MAST1: variants seen among roughly 807,000 people sequenced by gnomAD.
MAST1 encodes the protein microtubule associated serine/threonine kinase 1.
A neutral mutation model predicts 124.6 loss-of-function variants in MAST1; 40 were observed. The observed-to-expected ratio is 0.32, with a 90% confidence interval of 0.25 to 0.42. MAST1 has a LOEUF of 0.42. MAST1 is among the 10% of genes least tolerant of loss of function. The pLI is 1.00. For synonymous variants in MAST1, 938 were observed against 939.4 expected, an observed-to-expected ratio of 1.00 and a Z score of 0.03; for missense variants, 1,558 against 2,181.9, an observed-to-expected ratio of 0.71 and a Z score of 5.70.
chr19:12,854,754 G>A (rs955108150), intron 10 of MAST1, among the ~76,000 whole-genome samples: 2 of 152,176 alleles, frequency 1.3e-5, no homozygotes, highest in African/African-American at 4.8e-5. Context: ...TTAACTTATA[G>A]AGGAATCCTG....
chr19:12,858,925 GTTTA>G (rs779636043), intron 12 of MAST1, 186 bp downstream of exon 12: 30 of 628,922 alleles, frequency 4.8e-5, no homozygotes, highest in African/African-American at 7.3e-5. Flanking sequence ...TCATCTATTG[GTTTA>G]TTTGTTTTTC....
At position 12,843,720 on chromosome 19, in the gene MAST1, G is replaced by A; in HGVS notation, c.327+113G>A. The A allele has an allele frequency of 1.2e-6, 1 of 854,880 alleles. No individual in the cohort carries two copies. The highest frequency in any genetic ancestry group is 1.8e-6 in the Non-Finnish European group (1 of 548,958). The allele number at this position is 854,880 out of a possible 1,614,324, so 53.0% of individuals were successfully genotyped here. On this transcript the variant is annotated intron_variant, in intron 4 of 25. Transcript: ENST00000251472. This position sits in a 1 kb window ranked among gnomAD's most constrained non-coding sequence, Gnocchi z 4.9. Reference sequence around the variant, plus strand: ...AGGCTGGGCTTGATGACAGTTTAGGGCCAGGCTCAGTGACTCAAGCCTGTA... The same window carrying A: ...AGGCTGGGCTTGATGACAGTTTAGGACCAGGCTCAGTGACTCAAGCCTGTA...
rs779259485 is a variant in MAST1, at chr19:12,874,565, G to A, written c.4408G>A (p.Val1470Met). ...GGAACCCGCACCCCTGGCGCCTTCC[G>A]TGCCCGAGGCCCCCCGGGGCCGGGA... ...LQEPAPLAPS[V>M]PEAPRGRERW... Residue 1470 changes from valine to methionine, a missense_variant, in exon 26 of 26, where the codon GTG becomes ATG. Physicochemically the swap from Val to Met is conservative, Grantham distance 21. Coordinates refer to ENST00000251472, the MANE Select transcript of MAST1 (RefSeq NM_014975.3). The surrounding 1 kb of genome is among the most constrained non-coding windows in gnomAD (Gnocchi z 6.6). The A allele has an allele frequency of 3.3e-6, 5 of 1,507,672 alleles. No homozygotes were observed. In the South Asian group the frequency reaches 5.3e-5, roughly 16 times the overall value. 93.4% of individuals were successfully genotyped at this position (1,507,672 alleles called of 1,614,324 possible). A position where few individuals can be genotyped will look rare whatever the true frequency, so the allele number is the denominator to read the frequency against.
intron 7 of MAST1, among the ~76,000 whole-genome samples, chr19:12,849,223 G>A (rs1969932834): frequency 6.6e-6 from 1 of 152,054 alleles, no homozygotes; most frequent in Non-Finnish European, 1.5e-5. Flanking sequence ...TAAATGTTGG[G>A]TAAATTGATG....
At chr19:12,868,911 A>G (rs1970198206) in intron 21 of MAST1, 62 bp downstream of exon 21, 1 of 1,554,590 alleles carries the variant, frequency 6.4e-7, no homozygotes, top group African/African-American at 1.4e-5. Context: ...GGACAGACCA[A>G]TGAAAATGCT....
Position 12,851,865 on chromosome 19 carries a change from G to A in MAST1, c.775-69G>A, listed in dbSNP as rs538057440. On this transcript the variant is annotated intron_variant, in intron 7 of 25. Transcript: ENST00000251472. The stretch of plus-strand genomic sequence containing the variant: ...CAGTAGCAGCAGTATGTACTCTGAG[G>A]GGCTGAGAGAGGGGCCGGGCTGAGG... 1.4e-4 allele frequency: 163 copies of A among 1,172,612 alleles called. No homozygotes were observed. The Middle Eastern group carries it at 2.0e-3, about 14-fold the overall frequency. The allele number at this position is 1,172,612 out of a possible 1,614,324, so 72.6% of individuals were successfully genotyped here.
chr19:12,861,077 T>G (rs1457620566), intron 12 of MAST1, among the ~76,000 whole-genome samples: 1 of 151,940 alleles, frequency 6.6e-6, no homozygotes, highest in Admixed American at 6.6e-5. Flanking sequence ...TATTTATTTA[T>G]TTATTTATGG....
Position 12,866,728 on chromosome 19 carries a change from G to A in MAST1, c.2105G>A (p.Arg702His), listed in dbSNP as rs759443859. The change falls in exon 18 of 26, where the codon CGC (arginine) becomes CAC (histidine). Residue 702 changes from arginine to histidine, a missense_variant. Around this residue, in one of 10 missense-constraint regions of MAST1, gnomAD observed 287 missense variants for 308.0 expected, o/e 0.93. Coordinates refer to ENST00000251472, the MANE Select transcript of MAST1 (RefSeq NM_014975.3). The surrounding 1 kb of genome is among the most constrained non-coding windows in gnomAD (Gnocchi z 5.2). ...ACGGAGGAGGAGCCCGTGGAAATCCGCCAGTTCTCTTCCTGCTCTCCGCGC... is the reference window on the plus strand; with the variant it reads ...ACGGAGGAGGAGCCCGTGGAAATCCACCAGTTCTCTTCCTGCTCTCCGCGC... ...DTTEEEPVEIRQFSSCSPRFS... is the reference protein window; with the variant it reads ...DTTEEEPVEIHQFSSCSPRFS... 6.8e-6 allele frequency: 11 copies of A among 1,613,818 alleles called. No homozygotes were observed. In the South Asian group the frequency reaches 1.2e-4, roughly 18 times the overall value.
chr19:12,874,875 G>A lies in MAST1; in HGVS notation c.*5G>A, dbSNP rs766744449. 1 of 1,593,176 alleles carries A rather than the reference G, an allele frequency of 6.3e-7. No individual in the cohort carries two copies. The highest frequency in any genetic ancestry group is 8.5e-7 in the Non-Finnish European group (1 of 1,172,598). ...CCCGCACCCCCGGGACCATAGCCAA[G>A]GGGGTCATCGGCCCCGCGCTGTACA... On this transcript the variant is annotated 3_prime_UTR_variant, in exon 26 of 26. Transcript: ENST00000251472. The surrounding 1 kb of genome is among the most constrained non-coding windows in gnomAD (Gnocchi z 6.6).
At chr19:12,873,212 G>C (rs775481064) in intron 24 of MAST1, 112 bp from the exon 25 acceptor site, 5 of 1,009,940 alleles carry the variant, frequency 5.0e-6, no homozygotes, top group Non-Finnish European at 7.3e-6. Context: ...TGTAGCTGGA[G>C]AGGGAAGGGC....
chr19:12,871,184 C>G lies in MAST1; in HGVS notation c.3263+12C>G, dbSNP rs746071249. 137 of 1,613,674 alleles carry G rather than the reference C, an allele frequency of 8.5e-5. No individual in the cohort carries two copies. The highest frequency in any genetic ancestry group is 1.1e-4 in the Non-Finnish European group (125 of 1,179,938). On this transcript the variant is annotated intron_variant, in intron 24 of 25. Transcript: ENST00000251472. The stretch of plus-strand genomic sequence containing the variant: ...GAGGGCCAGGAGAGGTGGGCACAGC[C>G]GTAAACAGCCTGGTCTTTGAGCAGT...
In MAST1 at chr19:12,865,005, T is replaced by C. The variant is rs182570631; in HGVS notation, c.1506-41T>C. The C allele has an allele frequency of 1.5e-5, 25 of 1,613,462 alleles. No homozygotes were observed. In the African/African-American group the frequency reaches 3.2e-4, roughly 21 times the overall value. On this transcript the variant is annotated intron_variant, in intron 13 of 25. Transcript: ENST00000251472. This position sits in a 1 kb window ranked among gnomAD's most constrained non-coding sequence, Gnocchi z 7.1. ...TCCCTCGGGAGGCCAGGAGGCAGAA[T>C]GGACGGGCCTCATCCCTGAGATCCC... is the stretch of plus-strand genomic sequence containing the variant.
chr19:12,847,981 C>T lies in MAST1; in HGVS notation c.698C>T (p.Thr233Ile). 1.2e-6 allele frequency: 2 copies of T among 1,614,144 alleles called. No individual in the cohort carries two copies. Among genetic ancestry groups the T allele is most frequent in the Non-Finnish European group, 1.7e-6 (2 of 1,179,974 alleles). The change falls in exon 7 of 26, where the codon ACC becomes ATC. Residue 233 changes from threonine to isoleucine, a missense_variant. Thr to Ile is a moderately conservative substitution (Grantham distance 89, BLOSUM62 -1). Coordinates refer to ENST00000251472, the MANE Select transcript of MAST1 (RefSeq NM_014975.3). This position sits in a 1 kb window ranked among gnomAD's most constrained non-coding sequence, Gnocchi z 5.5. ...ATCGAGCTGGCCCGGGACTGCCTGACCAAGTCCCGTGACGGCCTCATCACC... is the reference window on the plus strand; with the variant it reads ...ATCGAGCTGGCCCGGGACTGCCTGATCAAGTCCCGTGACGGCCTCATCACC... ...QIIELARDCL[T>I]KSRDGLITTV...
At chr19:12,863,427 GA>G (rs1048228678) in intron 12 of MAST1, among the ~76,000 whole-genome samples, 5 of 152,020 alleles carry the variant, frequency 3.3e-5, no homozygotes, top group African/African-American at 1.2e-4. Flanking sequence ...AAAGAGAACA[GA>G]AAAAAGAAAG....
At chr19:12,857,958 GTGAGCACCACTACACTCCAGTC>G (rs926707848) in intron 10 of MAST1, among the ~76,000 whole-genome samples, 2 of 135,640 alleles carry the variant, frequency 1.5e-5, no homozygotes, top group African/African-American at 5.4e-5. Flanking sequence ...GGAGGCTGCA[GTGAGCACCACTACACTCCAGTC>G]TGAATATCAG....
Position 12,847,489 on chromosome 19 carries a change from G to T in MAST1, c.488+39G>T. 1 of 1,612,350 alleles carries T rather than the reference G, an allele frequency of 6.2e-7. No individual in the cohort carries two copies. Among genetic ancestry groups the T allele is most frequent in the South Asian group, 1.1e-5 (1 of 91,038 alleles). ...CCTCCTCCTTCGTACCAAGCTAGTG[G>T]TCTTAGGACTTGTGCTTAGAGAGAC... On this transcript the variant is annotated intron_variant, in intron 5 of 25. Transcript: ENST00000251472. This position sits in a 1 kb window ranked among gnomAD's most constrained non-coding sequence, Gnocchi z 5.5.
rs1970148255 is a variant in MAST1, at chr19:12,865,908, CG to C, written c.1907-70del. 5.6e-6 allele frequency: 9 copies of C among 1,607,604 alleles called. No individual in the cohort carries two copies. Among genetic ancestry groups the C allele is most frequent in the Non-Finnish European group, 7.7e-6 (9 of 1,175,616 alleles). The stretch of plus-strand genomic sequence containing the variant: ...CCCAGCCTGTGCTGTGGCCCCGGGG[CG>C]GAAGACATGGGGGGCGGGGCTGGGC... On this transcript the variant is annotated intron_variant, in intron 16 of 25. Transcript: ENST00000251472. This position sits in a 1 kb window ranked among gnomAD's most constrained non-coding sequence, Gnocchi z 7.1.
rs1239414217 is a variant in MAST1, at chr19:12,852,323, C to G, written c.1010-5C>G. On this transcript the variant is annotated splice_polypyrimidine_tract_variant and splice_region_variant and intron_variant, in intron 9 of 25. Coordinates refer to ENST00000251472, the MANE Select transcript of MAST1 (RefSeq NM_014975.3). The stretch of plus-strand genomic sequence containing the variant: ...AGCTCGTGCTCACTCTCAGTCCCTC[C>G]CTAGATGTGGTGCATCTGGAGGAAC... 2 of 1,614,100 alleles carry G rather than the reference C, an allele frequency of 1.2e-6. No individual in the cohort carries two copies. The highest frequency in any genetic ancestry group is 2.2e-5 in the South Asian group (2 of 91,086).
chr19:12,865,471 G>T lies in MAST1; in HGVS notation c.1794G>T (p.Gln598His). 6.3e-7 allele frequency: 1 copy of T among 1,582,944 alleles called. No homozygotes were observed. Among genetic ancestry groups the T allele is most frequent in the Non-Finnish European group, 8.6e-7 (1 of 1,165,642 alleles). ...FGDTPEELFG[Q>H]VISDDILWPE... ...ACACACCAGAGGAGCTATTTGGACA[G>T]GTCATCAGTGGTACGTGGCTTGGCA... The change falls in exon 15 of 26, where the codon CAG becomes CAT. Residue 598 changes from glutamine to histidine, a missense_variant. This residue lies in a region of MAST1 where 145 missense variants were observed against 350.0 expected (regional missense o/e 0.41). Coordinates refer to ENST00000251472, the MANE Select transcript of MAST1 (RefSeq NM_014975.3). This position sits in a 1 kb window ranked among gnomAD's most constrained non-coding sequence, Gnocchi z 7.1.
Sources: gnomAD v4.1 joint callset for allele counts (sites outside exome capture counted in the v4.1 genomes callset) on GRCh38, gnomAD v4.1.1 for gene constraint, gnomAD v4.1.1 regional missense constraint, Gnocchi (gnomAD v3.1) non-coding constraint, MANE v1.5 for transcripts, NCBI Gene and HGNC (gene_info 2026-07-23, HGNC 2026-07-21) for gene names.